The following GLIPR1 variants were observed in gnomAD, a reference collection of about 807,000 sequenced individuals.
GLIPR1 encodes glioma pathogenesis-related protein 1.
Under a neutral mutation model 30.3 loss-of-function variants are expected in GLIPR1, and 38 were observed. The observed-to-expected ratio is 1.26, with a 90% CI of 0.97 to 1.65. GLIPR1 has a LOEUF of 1.65. Among genes scored for constraint, GLIPR1 ranks in the 40% most tolerant of loss-of-function variants. GLIPR1 has a pLI of 0.00. For missense variants in GLIPR1, 285 were observed against 326.5 expected, an observed-to-expected ratio of 0.87 and a Z score of 0.98; for synonymous variants, 122 against 110.6, an observed-to-expected ratio of 1.10 and a Z score of -0.65.
chr12:75,492,500 G>A (rs989461865), intron 3 of GLIPR1: 1 of 152,182 alleles, frequency 6.6e-6, no homozygotes, highest in Non-Finnish European at 1.5e-5. Context: ...ATCACTTAGA[G>A]TAGCTATGAA....
chr12:75,492,787 G>A (rs1209345607), intron 3 of GLIPR1: 5 of 152,158 alleles, frequency 3.3e-5, no homozygotes, highest in African/African-American at 4.8e-5. Context: ...CTGTCTTTAT[G>A]AGAGTAATAT....
At position 75,481,936 on chromosome 12, in the gene GLIPR1, T is replaced by A; in HGVS notation, c.277T>A (p.Phe93Ile). ...GCCACCCCACAAGCTGCACCCAAAC[T>A]TCACTTCACTGGGAGAGAACATCTG... The part of the protein sequence containing the change: ...LKPPHKLHPN[F>I]TSLGENIWTG... Residue 93 changes from phenylalanine (F) to isoleucine (I), a missense_variant, in exon 2 of 6, where the codon TTC becomes ATC. Coordinates refer to ENST00000266659, the MANE Select transcript of GLIPR1 (RefSeq NM_006851.3). 3 of 1,614,160 alleles carry A rather than the reference T, an allele frequency of 1.9e-6. No homozygotes were observed. Among genetic ancestry groups the A allele is most frequent in the Non-Finnish European group, 2.5e-6 (3 of 1,179,996 alleles).
chr12:75,481,784 C>G, intron 1 of GLIPR1, 50 bp from the exon 2 acceptor site: 1 of 1,573,710 alleles, frequency 6.4e-7, no homozygotes, highest in Non-Finnish European at 8.7e-7. Context: ...TGTACTCACC[C>G]CAGTTACATT....
In GLIPR1 at chr12:75,502,259, T is replaced by C. The variant is rs1008478592; in HGVS notation, c.*3281T>C. On this transcript the variant is annotated 3_prime_UTR_variant, in exon 6 of 6. Coordinates refer to ENST00000266659, the MANE Select transcript of GLIPR1 (RefSeq NM_006851.3). The stretch of plus-strand genomic sequence containing the variant: ...ATGGAAGGTCACTGATTCAGAAAAG[T>C]GTGAGAAGAAACTGGAGAGAGAGTT... 5 of 320,336 alleles carry C rather than the reference T, an allele frequency of 1.6e-5. No individual in the cohort carries two copies. The highest frequency in any genetic ancestry group is 4.6e-5 in the Admixed American group (1 of 21,664). The allele number at this position is 320,336 out of a possible 1,614,324, so 19.8% of individuals were successfully genotyped here.
At chr12:75,486,533 T>A (rs554667767) in intron 2 of GLIPR1, among the ~76,000 whole-genome samples, 1 of 152,232 alleles carries the variant, frequency 6.6e-6, no homozygotes, top group South Asian at 2.1e-4. Flanking sequence ...GAATATGAAC[T>A]CAAGCCTTGT....
rs2046400579 is a variant in GLIPR1 at position 75,502,448 on chromosome 12, T to G, written c.*3470T>G. ...GGAATAAAGGTAGTGGCATGCAGAA[T>G]AAAAGCCAGAACTATCAGGAATTGG... On this transcript the variant is annotated 3_prime_UTR_variant, in exon 6 of 6. Coordinates refer to ENST00000266659, the MANE Select transcript of GLIPR1 (RefSeq NM_006851.3). The G allele has an allele frequency of 6.5e-6, 1 of 154,392 alleles. No homozygotes were observed. The highest frequency in any genetic ancestry group is 2.4e-5 in the African/African-American group (1 of 41,444). The allele number at this position is 154,392 out of a possible 1,614,324, so 9.6% of individuals were successfully genotyped here. A position where few individuals can be genotyped will look rare whatever the true frequency, so the allele number is the denominator to read the frequency against.
intron 4 of GLIPR1, 40 bp from the exon 5 acceptor site, chr12:75,498,654 C>A: frequency 6.5e-7 from 1 of 1,550,332 alleles, no homozygotes; most frequent in Non-Finnish European, 8.9e-7. Context: ...ACTGTGTCTA[C>A]CCTTTTAATT....
Position 75,498,887 on chromosome 12 carries a change from T to G in GLIPR1, c.710T>G (p.Phe237Cys). 6.2e-7 allele frequency: 1 copy of G among 1,610,156 alleles called. No individual in the cohort carries two copies. Among genetic ancestry groups the G allele is most frequent in the Non-Finnish European group, 8.5e-7 (1 of 1,176,662 alleles). The change falls in exon 6 of 6, where the codon TTT becomes TGT. Residue 237 changes from phenylalanine (F) to cysteine (C), a missense_variant. Phe to Cys is a radical substitution (Grantham distance 205). Transcript: ENST00000266659. The part of the protein sequence containing the change: ...IYPRNRYTSL[F>C]LIVNSVILIL... ...CCACGTAACAGATACACTTCTCTCT[T>G]TCTCATTGTTAATTCAGTAATTCTA...
rs945748091 is a variant in GLIPR1 at position 75,501,064 on chromosome 12, A to T, written c.*2086A>T. 6.6e-6 allele frequency: 1 copy of T among 152,116 alleles called. No homozygotes were observed. The highest frequency in any genetic ancestry group is 1.9e-4 in the East Asian group (1 of 5,184). The allele number at this position is 152,116 out of a possible 1,614,324, so 9.4% of individuals were successfully genotyped here. On this transcript the variant is annotated 3_prime_UTR_variant, in exon 6 of 6. Transcript: ENST00000266659. ...TATTGCTGGTGAGCCCTCTCCCTTC[A>T]GTGTGTCACTGTTCACTTTGGAGGG...
intron 2 of GLIPR1, among the ~76,000 whole-genome samples, chr12:75,486,449 G>GTTGGTA (rs1480624892): frequency 6.6e-6 from 1 of 152,194 alleles, no homozygotes; most frequent in African/African-American, 2.4e-5. Context: ...GGCCTATGGA[G>GTTGGTA]TTGGTATTGT....
In GLIPR1 at chr12:75,495,558, T is replaced by A. The variant is rs371886998; in HGVS notation, c.534-19T>A. Reference sequence around the variant, plus strand: ...AAAACCGAAAAACTTCTAATGGACATCCTTCTTCTGCTTTACAGAGGGAAT... The same window carrying A: ...AAAACCGAAAAACTTCTAATGGACAACCTTCTTCTGCTTTACAGAGGGAAT... On this transcript the variant is annotated intron_variant, in intron 3 of 5. Coordinates refer to ENST00000266659, the MANE Select transcript of GLIPR1 (RefSeq NM_006851.3). 12 of 1,445,294 alleles carry A rather than the reference T, an allele frequency of 8.3e-6. No individual in the cohort carries two copies. Among genetic ancestry groups the A allele is most frequent in the Non-Finnish European group, 1.2e-5 (12 of 1,027,672 alleles). 89.5% of individuals were successfully genotyped at this position (1,445,294 alleles called of 1,614,324 possible).
intron 2 of GLIPR1, among the ~76,000 whole-genome samples, chr12:75,489,568 C>G (rs767887078): frequency 6.6e-6 from 1 of 152,110 alleles, no homozygotes; most frequent in African/African-American, 2.4e-5. Context: ...CTCCTCCTTC[C>G]CTAGTTTTCT....
At chr12:75,495,826 G>A (rs1419367366) in intron 4 of GLIPR1, 164 bp downstream of exon 4, 1 of 445,714 alleles carries the variant, frequency 2.2e-6, no homozygotes, top group African/African-American at 2.0e-5. Context: ...ATACATTTAA[G>A]AGAAATTTAA....
Position 75,503,626 on chromosome 12 carries a change from T to C in GLIPR1, c.*4648T>C, listed in dbSNP as rs2046408854. ...AATCAGAGAAAAGAGTATTGCAGAC[T>C]AAACGAACTTTTATCCATGGAACAT... On this transcript the variant is annotated 3_prime_UTR_variant, in exon 6 of 6. Transcript: ENST00000266659. 2 of 249,906 alleles carry C rather than the reference T, an allele frequency of 8.0e-6. No homozygotes were observed. Among genetic ancestry groups the C allele is most frequent in the Non-Finnish European group, 7.6e-6 (1 of 131,230 alleles). 15.5% of individuals were successfully genotyped at this position (249,906 alleles called of 1,614,324 possible).
chr12:75,485,564 T>TATTTATTTATTTA (rs71078738), intron 2 of GLIPR1, among the ~76,000 whole-genome samples: 8 of 148,904 alleles, frequency 5.4e-5, no homozygotes, highest in East Asian at 2.0e-4. Flanking sequence ...TTTATTTATT[T>TATTTATTTATTTA]TTTTGAGACG....
Position 75,499,332 on chromosome 12 carries a change from G to A in GLIPR1, c.*354G>A. On this transcript the variant is annotated 3_prime_UTR_variant, in exon 6 of 6. Transcript: ENST00000266659. ...AAAACATTATTATTTTTTGCATGCTGCTTCGACTCTAAATATCTGGTTTTC... is the reference window on the plus strand; with the variant it reads ...AAAACATTATTATTTTTTGCATGCTACTTCGACTCTAAATATCTGGTTTTC... The A allele has an allele frequency of 6.0e-6, 1 of 167,184 alleles. No homozygotes were observed. Among genetic ancestry groups the A allele is most frequent in the Non-Finnish European group, 1.3e-5 (1 of 78,764 alleles). 10.4% of individuals were successfully genotyped at this position (167,184 alleles called of 1,614,324 possible).
intron 4 of GLIPR1, chr12:75,498,467 G>C (rs2046365595): frequency 6.7e-6 from 3 of 444,560 alleles, no homozygotes; most frequent in Non-Finnish European, 1.2e-5. Flanking sequence ...TAATGGTATA[G>C]TTTCCTTTTT....
chr12:75,484,936 T>A (rs2046286828), intron 2 of GLIPR1: 1 of 158,968 alleles, frequency 6.3e-6, no homozygotes, highest in Admixed American at 6.5e-5. Flanking sequence ...ATACTAGTAT[T>A]TAGTAGGCAT....
At chr12:75,483,448 C>G (rs1463360193) in intron 2 of GLIPR1, 2 of 152,094 alleles carry the variant, frequency 1.3e-5, no homozygotes, top group African/African-American at 2.4e-5. Context: ...GAGCCTGAGA[C>G]AATAGTTTAT....
Sources: gnomAD v4.1 joint callset for allele counts (sites outside exome capture counted in the v4.1 genomes callset) on GRCh38, gnomAD v4.1.1 for gene constraint, MANE v1.5 for transcripts, NCBI Gene and HGNC (gene_info 2026-07-23, HGNC 2026-07-21) for gene names.